Variants in ALOX12B observed in about 807,000 individuals in gnomAD.
ALOX12B encodes the protein arachidonate 12-lipoxygenase, 12R-type.
Under a neutral mutation model 78.9 loss-of-function variants are expected in ALOX12B, and 47 were observed. The observed-to-expected ratio is 0.60, with a 90% CI of 0.47 to 0.76. The LOEUF is 0.76. Ranked by LOEUF, ALOX12B falls within the 30% of genes least tolerant of loss-of-function variation. The pLI is 0.00. For synonymous variants in ALOX12B, 370 were observed against 374.5 expected (o/e 0.99, Z 0.14); for missense variants, 805 against 922.6 (o/e 0.87, Z 1.65).
rs1486717558 is a variant in ALOX12B at position 8,086,232 on chromosome 17, G to A, written c.148-12C>T. ...GTGTACTGGCCCACCTAGGCAGGAT[G>A]CAAGCCTGGCTGAGTGGGCAGGACT... On this transcript the variant is annotated splice_polypyrimidine_tract_variant and intron_variant, in intron 1 of 14. Transcript: ENST00000647874. 4 of 1,613,132 alleles carry A rather than the reference G, an allele frequency of 2.5e-6. No homozygotes were observed. The highest frequency in any genetic ancestry group is 3.4e-6 in the Non-Finnish European group (4 of 1,179,646).
Position 8,072,658 on chromosome 17 carries a change from T to C in ALOX12B, c.*113A>G, listed in dbSNP as rs1051980442. 60 of 1,456,350 alleles carry C rather than the reference T, an allele frequency of 4.1e-5. No individual in the cohort carries two copies. The African/African-American group carries it at 8.2e-4, about 20-fold the overall frequency. 90.2% of individuals were successfully genotyped at this position (1,456,350 alleles called of 1,614,324 possible). A position where few individuals can be genotyped will look rare whatever the true frequency, so the allele number is the denominator to read the frequency against. On this transcript the variant is annotated 3_prime_UTR_variant, in exon 15 of 15. Coordinates refer to ENST00000647874, the MANE Select transcript of ALOX12B (RefSeq NM_001139.3). ...AGGGAAAGGAAGGTTTTTTGTTTTT[T>C]TGTTTGTTTGGTGTTTTGGTCTCTG...
At position 8,079,353 on chromosome 17, in the gene ALOX12B, G is replaced by T. The variant is rs751716835; in HGVS notation, c.1071+43C>A. 6.5e-7 allele frequency: 1 copy of T among 1,548,964 alleles called. No individual in the cohort carries two copies. The highest frequency in any genetic ancestry group is 1.2e-5 in the South Asian group (1 of 83,934). On this transcript the variant is annotated intron_variant, in intron 8 of 14. Transcript: ENST00000647874. This position sits in a 1 kb window ranked among gnomAD's most constrained non-coding sequence, Gnocchi z 6.4. ...CGCGCACACTCGGAGGAGCATTCGC[G>T]CACACAGAGGCTCAGCGGCAGCGCC...
intron 2 of ALOX12B, among the ~76,000 whole-genome samples, chr17:8,085,696 G>A (rs530923511): frequency 7.9e-5 from 12 of 152,176 alleles, no homozygotes; most frequent in East Asian, 1.9e-4. Context: ...TAACGTGGCC[G>A]GGCATCTTAT....
At position 8,087,654 on chromosome 17, in the gene ALOX12B, G is replaced by A. The variant is rs886053578; in HGVS notation, c.-212C>T. 2.3e-4 allele frequency: 177 copies of A among 763,222 alleles called. No individual in the cohort carries two copies. Among genetic ancestry groups the A allele is most frequent in the Non-Finnish European group, 3.0e-4 (144 of 472,412 alleles). 47.3% of individuals were successfully genotyped at this position (763,222 alleles called of 1,614,324 possible). ...GCCCTTGGTGGCCGGGGTGGGTGCC[G>A]GGCAGGCCCAGGCGGAGCCCAGCTG... is the stretch of plus-strand genomic sequence containing the variant. On this transcript the variant is annotated 5_prime_UTR_variant, in exon 1 of 15. Coordinates refer to ENST00000647874, the MANE Select transcript of ALOX12B (RefSeq NM_001139.3).
At chr17:8,075,858 C>A in intron 11 of ALOX12B, 142 bp from the exon 12 acceptor site, 1 of 1,405,080 alleles carries the variant, frequency 7.1e-7, no homozygotes, top group East Asian at 2.3e-5. Flanking sequence ...TCCTGTGGGG[C>A]AGAAGTGGAG....
At position 8,079,251 on chromosome 17, in the gene ALOX12B, G is replaced by T; in HGVS notation, c.1071+145C>A. On this transcript the variant is annotated intron_variant, in intron 8 of 14. Coordinates refer to ENST00000647874, the MANE Select transcript of ALOX12B (RefSeq NM_001139.3). The surrounding 1 kb of genome is among the most constrained non-coding windows in gnomAD (Gnocchi z 6.4). ...AGCATCTGCAGATTTTGGCATCCCGGGGAGGTCCTGGAACCAATCTCTCAA... is the reference window on the plus strand; with the variant it reads ...AGCATCTGCAGATTTTGGCATCCCGTGGAGGTCCTGGAACCAATCTCTCAA... 8.0e-7 allele frequency: 1 copy of T among 1,248,254 alleles called. No individual in the cohort carries two copies. Among genetic ancestry groups the T allele is most frequent in the Non-Finnish European group, 1.1e-6 (1 of 928,072 alleles). 77.3% of individuals were successfully genotyped at this position (1,248,254 alleles called of 1,614,324 possible).
rs1447125900 is a variant in ALOX12B, at chr17:8,079,534, C to G, written c.933G>C (p.Gly311=). ...TGCGGTAGTCGGCCAGGTAAATGTT[C>G]CCCTTCTGGAGGGGAGCCGCGATGG... ...GTCLQAELEK[G]NIYLADYRIM... is the part of the protein sequence containing the mutation. Residue 311 remains glycine (G), a synonymous_variant, in exon 8 of 15, where the codon GGG becomes GGC. Transcript: ENST00000647874. The surrounding 1 kb of genome is among the most constrained non-coding windows in gnomAD (Gnocchi z 6.4). 2 of 1,550,460 alleles carry G rather than the reference C, an allele frequency of 1.3e-6. No homozygotes were observed. The highest frequency in any genetic ancestry group is 1.7e-6 in the Non-Finnish European group (2 of 1,146,920).
chr17:8,079,775 C>T lies in ALOX12B; in HGVS notation c.921G>A (p.Glu307=). The T allele has an allele frequency of 6.2e-7, 1 of 1,612,144 alleles. No individual in the cohort carries two copies. The highest frequency in any genetic ancestry group is 8.5e-7 in the Non-Finnish European group (1 of 1,179,648). ...CCGCCGGAGCGGGCCTCACCTCCAG[C>T]TCCGCTTGCAAGCACGTTCCCTCGC... The part of the protein sequence containing the change: ...FLGEGTCLQA[E]LEKGNIYLAD... Residue 307 remains glutamate, a synonymous_variant, in exon 7 of 15, where the codon GAG becomes GAA. Transcript: ENST00000647874. The surrounding 1 kb of genome is among the most constrained non-coding windows in gnomAD (Gnocchi z 6.4).
At position 8,073,734 on chromosome 17, in the gene ALOX12B, C is replaced by T; in HGVS notation, c.1678G>A (p.Val560Met). The change falls in exon 13 of 15, where the codon GTG (valine) becomes ATG (methionine). Residue 560 changes from valine (V) to methionine (M), a missense_variant. Transcript: ENST00000647874. ...SSGFPRCLRT[V>M]PELIRYVTIV... is the part of the protein sequence containing the mutation. ...GTGACATATCGGATCAGCTCAGGCA[C>T]GGTTCGCAAGCACCTAGGGAAGCCT... The T allele has an allele frequency of 1.4e-5, 22 of 1,614,096 alleles. No individual in the cohort carries two copies. The highest frequency in any genetic ancestry group is 1.9e-5 in the Non-Finnish European group (22 of 1,179,992).
rs1031385593 is a variant in ALOX12B, at chr17:8,079,229, A to G, written c.1071+167T>C. 9.9e-5 allele frequency among the ~76,000 whole-genome samples: 15 copies of G among 152,206 alleles called. No individual in the cohort carries two copies. Among genetic ancestry groups the G allele is most frequent in the African/African-American group, 3.6e-4 (15 of 41,454 alleles). On this transcript the variant is annotated intron_variant, in intron 8 of 14. Transcript: ENST00000647874. The surrounding 1 kb of genome is among the most constrained non-coding windows in gnomAD (Gnocchi z 6.4). ...GACATTTTATATAAGAAACTTGAGC[A>G]TCTGCAGATTTTGGCATCCCGGGGA...
At position 8,080,043 on chromosome 17, in the gene ALOX12B, A is replaced by T. The variant is rs1208281596; in HGVS notation, c.755-102T>A. ...CTATGGGCACCGAGAGGAGTCGGGG[A>T]GGAAAACGAGGCCCCCAGCCTGGCG... On this transcript the variant is annotated intron_variant, in intron 6 of 14. Transcript: ENST00000647874. The surrounding 1 kb of genome is among the most constrained non-coding windows in gnomAD (Gnocchi z 4.8). 6.6e-7 allele frequency: 1 copy of T among 1,523,874 alleles called. No individual in the cohort carries two copies. Among genetic ancestry groups the T allele is most frequent in the Admixed American group, 1.9e-5 (1 of 52,328 alleles). The allele number at this position is 1,523,874 out of a possible 1,614,324, so 94.4% of individuals were successfully genotyped here.
In ALOX12B at chr17:8,086,109, C is replaced by T. The variant is rs746274871; in HGVS notation, c.259G>A (p.Val87Met). The change falls in exon 2 of 15, where the codon GTG (valine) becomes ATG (methionine). Residue 87 changes from valine to methionine, a missense_variant. Physicochemically the swap from Val to Met is conservative, Grantham distance 21. Coordinates refer to ENST00000647874, the MANE Select transcript of ALOX12B (RefSeq NM_001139.3). ...FPKDPWYCNY[V>M]QICAPNGRIY... ...CGGCCGTTGGGGGCACAGATCTGCACATAGTTGCAGTACCAAGGGTCCTTG... is the reference window on the plus strand; with the variant it reads ...CGGCCGTTGGGGGCACAGATCTGCATATAGTTGCAGTACCAAGGGTCCTTG... 4.3e-6 allele frequency: 7 copies of T among 1,614,062 alleles called. No individual in the cohort carries two copies. The Admixed American group carries it at 6.7e-5, about 15-fold the overall frequency.
In ALOX12B at chr17:8,077,116, C is replaced by T. The variant is rs775295867; in HGVS notation, c.1149G>A (p.Thr383=). Reference sequence around the variant, plus strand: ...TGTAGAACTCCGCATAGCGTACCCACGTCTTGGCTAGCAGCCAGTCCCACT... The same window carrying T: ...TGTAGAACTCCGCATAGCGTACCCATGTCTTGGCTAGCAGCCAGTCCCACT... ...DSEWDWLLAK[T]WVRYAEFYSH... is the part of the protein sequence containing the mutation. Residue 383 remains threonine (T), a synonymous_variant, in exon 9 of 15, where the codon ACG becomes ACA. Coordinates refer to ENST00000647874, the MANE Select transcript of ALOX12B (RefSeq NM_001139.3). 1.5e-5 allele frequency: 24 copies of T among 1,613,776 alleles called. No homozygotes were observed. Among genetic ancestry groups the T allele is most frequent in the Non-Finnish European group, 1.7e-5 (20 of 1,180,008 alleles).
Position 8,075,680 on chromosome 17 carries a change from A to G in ALOX12B, c.1569T>C (p.Ser523=). Residue 523 remains serine, a synonymous_variant, in exon 12 of 15, where the codon AGT becomes AGC. Transcript: ENST00000647874. ...CCGGATCACCCTCCACGGCTGCGTC[A>G]CTCGGGTAATAATAGGTGATGATCT... ...VTEIITYYYP[S]DAAVEGDPEL... 6.2e-7 allele frequency: 1 copy of G among 1,614,068 alleles called. No homozygotes were observed. Among genetic ancestry groups the G allele is most frequent in the Non-Finnish European group, 8.5e-7 (1 of 1,180,016 alleles).
intron 8 of ALOX12B, among the ~76,000 whole-genome samples, chr17:8,078,721 T>C (rs1257774564): frequency 1.3e-5 from 2 of 152,080 alleles, no homozygotes; most frequent in Non-Finnish European, 2.9e-5. Flanking sequence ...TCCTTGAGCC[T>C]TGCAAGGTGC....
intron 8 of ALOX12B, among the ~76,000 whole-genome samples, chr17:8,078,120 TTTA>T (rs1005584001): frequency 1.4e-5 from 1 of 71,044 alleles, no homozygotes; most frequent in East Asian, 6.1e-4. Flanking sequence ...TTTCATTTTA[TTTA>T]TTTATTTATT....
intron 12 of ALOX12B, among the ~76,000 whole-genome samples, chr17:8,074,443 C>T (rs375640879): frequency 6.6e-6 from 1 of 151,972 alleles, no homozygotes; most frequent in Non-Finnish European, 1.5e-5. Context: ...AACGTGGAGT[C>T]GCCCTTGGCC....
chr17:8,076,490 G>A, intron 10 of ALOX12B, 146 bp from the exon 11 acceptor site: 3 of 1,270,068 alleles, frequency 2.4e-6, no homozygotes, highest in Non-Finnish European at 3.3e-6. Flanking sequence ...CAGCACACCA[G>A]CCCTGCCTCT....
In ALOX12B at chr17:8,079,760, G is replaced by C; in HGVS notation, c.927+9C>G. The C allele has an allele frequency of 2.5e-6, 4 of 1,610,284 alleles. No individual in the cohort carries two copies. Among genetic ancestry groups the C allele is most frequent in the Non-Finnish European group, 3.4e-6 (4 of 1,179,066 alleles). ...GGAGGGCCGGGGTCTCCGCCGGAGCGGGCCTCACCTCCAGCTCCGCTTGCA... is the reference window on the plus strand; with the variant it reads ...GGAGGGCCGGGGTCTCCGCCGGAGCCGGCCTCACCTCCAGCTCCGCTTGCA... On this transcript the variant is annotated intron_variant, in intron 7 of 14. Transcript: ENST00000647874. The surrounding 1 kb of genome is among the most constrained non-coding windows in gnomAD (Gnocchi z 6.4).
Sources: allele counts gnomAD v4.1 joint callset (sites outside exome capture counted in the v4.1 genomes callset), GRCh38; gene constraint gnomAD v4.1.1; non-coding constraint Gnocchi (gnomAD v3.1); transcripts MANE v1.5; gene names NCBI Gene and HGNC (gene_info 2026-07-23, HGNC 2026-07-21).